Variants in PEX5 observed in about 807,000 individuals in gnomAD.
The protein encoded by PEX5 is PTS1 receptor.
A neutral mutation model predicts 82.9 loss-of-function variants in PEX5; 52 were observed. The observed-to-expected ratio is 0.63, with a 90% CI of 0.50 to 0.79. The LOEUF (loss-of-function observed/expected upper bound fraction) is 0.79, where lower values mean the gene tolerates loss of function less well. Among genes scored for constraint, PEX5 ranks in the 30% least tolerant of loss-of-function variants. The pLI, the probability that PEX5 is intolerant of heterozygous loss-of-function variation, is 0.00. For synonymous variants in PEX5, 300 were observed against 318.8 expected, an observed-to-expected ratio of 0.94 and a Z score of 0.63; for missense variants, 719 against 815.2, an observed-to-expected ratio of 0.88 and a Z score of 1.44.
chr12:7,210,374 G>C lies in PEX5; in HGVS notation c.*151G>C. The C allele has an allele frequency of 1.4e-6, 1 of 718,754 alleles. No homozygotes were observed. The highest frequency in any genetic ancestry group is 1.5e-5 in the South Asian group (1 of 66,834). The allele number at this position is 718,754 out of a possible 1,614,324, so 44.5% of individuals were successfully genotyped here. A position where few individuals can be genotyped will look rare whatever the true frequency, so the allele number is the denominator to read the frequency against. ...AGCTGCCTCAACGTAGGGGTGGGTA[G>C]TCTGTGTTCTAGTTCCTACATAATT... On this transcript the variant is annotated 3_prime_UTR_variant, in exon 16 of 16. Transcript: ENST00000675855.
intron 10 of PEX5, 105 bp downstream of exon 10, chr12:7,203,656 C>A: frequency 4.5e-6 from 5 of 1,104,894 alleles, no homozygotes; most frequent in Non-Finnish European, 6.7e-6. Context: ...TTTCTTGAGT[C>A]CCTTTCCACG....
chr12:7,212,337 G>A (rs750168117), downstream of PEX5, among the ~76,000 whole-genome samples: 1 of 151,772 alleles, frequency 6.6e-6, no homozygotes, highest in East Asian at 1.9e-4. Flanking sequence ...ATGTTGACCA[G>A]GCTGGTCTTG....
At chr12:7,190,670 G>C (rs2135885155) in intron 2 of PEX5, 146 bp downstream of exon 2, 1 of 1,513,466 alleles carries the variant, frequency 6.6e-7, no homozygotes. Context: ...TGGAGGGGCT[G>C]TTTGCACATC....
chr12:7,207,546 C>G, intron 10 of PEX5, 113 bp from the exon 11 acceptor site: 1 of 1,006,000 alleles, frequency 9.9e-7, no homozygotes, highest in Non-Finnish European at 1.6e-6. Context: ...GCAATTAATT[C>G]CGGAACCTGT....
At position 7,191,245 on chromosome 12, in the gene PEX5, A is replaced by G. The variant is rs779146861; in HGVS notation, c.203A>G (p.Gln68Arg). ...TGGCAGTTGGTGGCTGAATTCCTGCAGGACCAGAATGCACCCCTTGTGTCC... is the reference window on the plus strand; with the variant it reads ...TGGCAGTTGGTGGCTGAATTCCTGCGGGACCAGAATGCACCCCTTGTGTCC... Reference protein sequence around the residue: ...SEDELVAEFLQDQNAPLVSRA... With the variant: ...SEDELVAEFLRDQNAPLVSRA... Residue 68 changes from glutamine to arginine, a missense_variant, in exon 4 of 16, where the codon CAG (glutamine) becomes CGG (arginine). Transcript: ENST00000675855. 7 of 1,614,184 alleles carry G rather than the reference A, an allele frequency of 4.3e-6. No individual in the cohort carries two copies. Among genetic ancestry groups the G allele is most frequent in the Non-Finnish European group, 5.9e-6 (7 of 1,180,022 alleles).
downstream of PEX5, among the ~76,000 whole-genome samples, chr12:7,213,728 G>T (rs1039249268): frequency 6.7e-6 from 1 of 149,770 alleles, no homozygotes; most frequent in Non-Finnish European, 1.5e-5. Context: ...TGACAAATGG[G>T]ATCTAATTAA....
intron 1 of PEX5, chr12:7,189,985 G>A (rs1331213218): frequency 1.3e-6 from 2 of 1,501,536 alleles, no homozygotes; most frequent in Admixed American, 2.7e-5. Context: ...GGCTAGGTAT[G>A]GTCGGGCTGT....
intron 10 of PEX5, among the ~76,000 whole-genome samples, chr12:7,204,099 A>G (rs1203764674): frequency 6.6e-6 from 1 of 152,260 alleles, no homozygotes; most frequent in African/African-American, 2.4e-5. Flanking sequence ...CATTTTGCCT[A>G]TAGCATGTGC....
At chr12:7,215,730 C>T (rs1437889214), downstream of PEX5, among the ~76,000 whole-genome samples, 2 of 152,014 alleles carry the variant, frequency 1.3e-5, no homozygotes, top group African/African-American at 4.8e-5. Context: ...GCAGACACTG[C>T]AGACTACCAG....
chr12:7,200,660 G>A (rs1488884717), intron 6 of PEX5, among the ~76,000 whole-genome samples: 1 of 152,224 alleles, frequency 6.6e-6, no homozygotes, highest in Non-Finnish European at 1.5e-5. Flanking sequence ...GGCCGAGGCT[G>A]GCGGATCACT....
At chr12:7,201,284 C>G (rs1299177409) in intron 6 of PEX5, among the ~76,000 whole-genome samples, 2 of 149,498 alleles carry the variant, frequency 1.3e-5, no homozygotes, top group African/African-American at 4.9e-5. Flanking sequence ...CACACATAGA[C>G]ATACATGTAT....
At chr12:7,202,920 C>T (rs1322327223) in intron 9 of PEX5, among the ~76,000 whole-genome samples, 2 of 151,872 alleles carry the variant, frequency 1.3e-5, no homozygotes, top group South Asian at 2.1e-4. Flanking sequence ...ACTTTGGGAG[C>T]CCGAGGTGGG....
chr12:7,202,135 A>C, intron 7 of PEX5, 106 bp from the exon 8 acceptor site: 74 of 1,530,330 alleles, frequency 4.8e-5, no homozygotes, highest in Non-Finnish European at 6.3e-5. Flanking sequence ...GTCTGCAGCT[A>C]GAGATGGTCA....
intron 14 of PEX5, among the ~76,000 whole-genome samples, 197 bp downstream of exon 14, chr12:7,209,367 G>T (rs1945230970): frequency 6.6e-6 from 1 of 152,078 alleles, no homozygotes; most frequent in South Asian, 2.1e-4. Context: ...CCACAAAAAA[G>T]AATAATTTGT....
downstream of PEX5, among the ~76,000 whole-genome samples, chr12:7,215,195 A>G (rs1303087803): frequency 1.3e-5 from 2 of 152,206 alleles, no homozygotes; most frequent in African/African-American, 4.8e-5. Context: ...CAAAACCACA[A>G]TGAGATACCA....
At chr12:7,216,969 TTTA>T (rs1333703231) in intron 17 of PEX5, among the ~76,000 whole-genome samples, 1 of 152,330 alleles carries the variant, frequency 6.6e-6, no homozygotes, top group Non-Finnish European at 1.5e-5. Flanking sequence ...TTCATACGTG[TTTA>T]TTTTTTTTCT....
chr12:7,212,689 C>T (rs994081871), downstream of PEX5: 1 of 152,144 alleles, frequency 6.6e-6, no homozygotes, highest in African/African-American at 2.4e-5. Flanking sequence ...CAATAGGGAA[C>T]TATCCCAATG....
At chr12:7,191,184 TC>T in intron 3 of PEX5, 41 bp from the exon 4 acceptor site, 1 of 1,613,804 alleles carries the variant, frequency 6.2e-7, no homozygotes, top group Non-Finnish European at 8.5e-7. Context: ...TGCTGGGGCC[TC>T]CCAAGCCTAT....
chr12:7,210,562 G>T lies in PEX5; in HGVS notation c.*339G>T. On this transcript the variant is annotated 3_prime_UTR_variant, in exon 16 of 16. Transcript: ENST00000675855. Reference sequence around the variant, plus strand: ...ATCATCAGCTGCCATTTCTGATAGGGTCTACCACATCTGTAATGTCTGTCC... The same window carrying T: ...ATCATCAGCTGCCATTTCTGATAGGTTCTACCACATCTGTAATGTCTGTCC... 2.4e-6 allele frequency: 1 copy of T among 425,500 alleles called. No homozygotes were observed. Among genetic ancestry groups the T allele is most frequent in the South Asian group, 2.1e-5 (1 of 47,646 alleles). The allele number at this position is 425,500 out of a possible 1,614,324, so 26.4% of individuals were successfully genotyped here.
Sources: allele counts gnomAD v4.1 joint callset (sites outside exome capture counted in the v4.1 genomes callset), GRCh38; gene constraint gnomAD v4.1.1; transcripts MANE v1.5; gene names NCBI Gene and HGNC (gene_info 2026-07-23, HGNC 2026-07-21).